The following TMPRSS15 variants were observed in gnomAD, a reference collection of about 807,000 sequenced individuals.
TMPRSS15 encodes enteropeptidase.
TMPRSS15 carries 128 observed loss-of-function variants against 125.3 expected under a neutral mutation model. The observed-to-expected ratio is 1.02, with a 90% CI of 0.89 to 1.18. The LOEUF is 1.18. TMPRSS15 is among the 50% of genes most tolerant of loss of function. TMPRSS15 has a pLI of 0.00. For synonymous variants in TMPRSS15, 446 were observed against 423.2 expected (o/e 1.05, Z -0.66); for missense variants, 1,283 against 1,212.7 (o/e 1.06, Z -0.86).
chr21:18,390,939 G>A (rs565777027), intron 3 of TMPRSS15, among the ~76,000 whole-genome samples: 4 of 152,250 alleles, frequency 2.6e-5, no homozygotes, highest in Non-Finnish European at 5.9e-5. Context: ...CCTTCTTCAC[G>A]TGGTGGCAGA....
At chr21:18,409,963 G>T (rs1292628736) in intron 1 of TMPRSS15, among the ~76,000 whole-genome samples, 3 of 143,308 alleles carry the variant, frequency 2.1e-5, no homozygotes, top group Non-Finnish European at 3.0e-5. Context: ...TCCTTCTTAG[G>T]TATATTCACA....
At chr21:18,312,858 A>G in intron 18 of TMPRSS15, 87 bp downstream of exon 18, 1 of 1,516,820 alleles carries the variant, frequency 6.6e-7, no homozygotes, top group South Asian at 1.2e-5. Context: ...ATAACTTTAT[A>G]AATTTTAAAG....
At chr21:18,449,626 T>G (rs1031156701) in intron 1 of TMPRSS15, among the ~76,000 whole-genome samples, 1 of 152,144 alleles carries the variant, frequency 6.6e-6, no homozygotes, top group African/African-American at 2.4e-5. Context: ...AGCTAAATCA[T>G]GTACAGTGTT....
intron 1 of TMPRSS15, among the ~76,000 whole-genome samples, chr21:18,400,950 TAC>T (rs1156490331): frequency 1.3e-5 from 2 of 151,984 alleles, no homozygotes; most frequent in Non-Finnish European, 2.9e-5. Context: ...AAAAAAGACA[TAC>T]AAGTGGCTAA....
chr21:18,345,730 G>A (rs1286885288), intron 10 of TMPRSS15, among the ~76,000 whole-genome samples: 5 of 8,184 alleles, frequency 6.1e-4, no homozygotes, highest in African/African-American at 9.3e-4. Flanking sequence ...GACAGAGTGA[G>A]ACTCCGTCTC....
chr21:18,416,800 T>C (rs2824814), intron 1 of TMPRSS15, among the ~76,000 whole-genome samples: 96,881 of 151,790 alleles, frequency 0.64, 31,369 homozygotes, highest in Middle Eastern at 0.75. Context: ...AGTACATACA[T>C]TTCATGCCCT....
intron 16 of TMPRSS15, among the ~76,000 whole-genome samples, chr21:18,326,135 G>A (rs762483591): frequency 6.6e-6 from 1 of 152,058 alleles, no homozygotes; most frequent in African/African-American, 2.4e-5. Context: ...AGAGGGTCAA[G>A]TATCCTACTT....
intron 1 of TMPRSS15, among the ~76,000 whole-genome samples, chr21:18,400,876 G>A (rs879281829): frequency 8.6e-5 from 13 of 151,834 alleles, no homozygotes; most frequent in African/African-American, 1.2e-4. Flanking sequence ...TTAAATAATT[G>A]CACAAACAAA....
intron 7 of TMPRSS15, 74 bp from the exon 8 acceptor site, chr21:18,359,937 T>C (rs2075664147): frequency 2.7e-6 from 2 of 744,400 alleles, no homozygotes; most frequent in East Asian, 2.7e-5. Context: ...CTAGAATTTG[T>C]ATGTGTTTTC....
rs2146899021 is a variant in TMPRSS15 at position 18,294,318 on chromosome 21, G to A, written c.2438C>T (p.Ser813Phe). The part of the protein sequence containing the change: ...YYGGRLLCGA[S>F]LVSSDWLVSA... ...CACCAGCCAGTCACTGCTGACGAGA[G>A]ATGCGCCGCAGAGCAGTCGGCCGCC... The change falls in exon 21 of 25, where the codon TCT becomes TTT. Residue 813 changes from serine to phenylalanine, a missense_variant. Transcript: ENST00000284885. 1.9e-6 allele frequency: 3 copies of A among 1,614,220 alleles called. No individual in the cohort carries two copies. The highest frequency in any genetic ancestry group is 2.2e-5 in the East Asian group (1 of 44,874).
At chr21:18,341,638 T>G in intron 12 of TMPRSS15, 90 bp from the exon 13 acceptor site, 1 of 1,360,226 alleles carries the variant, frequency 7.4e-7, no homozygotes, top group Non-Finnish European at 1.0e-6. Context: ...GATTCAATAT[T>G]GTCTAGAGAT....
intron 3 of TMPRSS15, among the ~76,000 whole-genome samples, chr21:18,385,170 T>A (rs2075931803): frequency 6.6e-6 from 1 of 152,236 alleles, no homozygotes; most frequent in Non-Finnish European, 1.5e-5. Flanking sequence ...AATCATTTGC[T>A]TAAATTATAG....
intron 18 of TMPRSS15, among the ~76,000 whole-genome samples, chr21:18,307,553 A>T (rs2075050646): frequency 6.6e-6 from 1 of 152,138 alleles, no homozygotes; most frequent in Non-Finnish European, 1.5e-5. Context: ...TATTGTAATG[A>T]TCTATTATGT....
chr21:18,475,463 G>A (rs543191555), intron 1 of TMPRSS15, among the ~76,000 whole-genome samples: 8 of 152,022 alleles, frequency 5.3e-5, no homozygotes, highest in African/African-American at 1.7e-4. Context: ...GTGGTGTCGC[G>A]GGCCTGTAGT....
intron 1 of TMPRSS15, chr21:18,477,814 A>G (rs1978906958): frequency 6.6e-6 from 1 of 152,096 alleles, no homozygotes; most frequent in African/African-American, 2.4e-5. Context: ...CCCTTACTGT[A>G]GCAATGTTTT....
chr21:18,319,326 G>C (rs1387472896), intron 16 of TMPRSS15, among the ~76,000 whole-genome samples: 1 of 151,172 alleles, frequency 6.6e-6, no homozygotes, highest in African/African-American at 2.4e-5. Context: ...AGATAATGAA[G>C]TGTATTTATC....
chr21:18,276,820 C>T (rs913571637), intron 23 of TMPRSS15, among the ~76,000 whole-genome samples: 8 of 143,532 alleles, frequency 5.6e-5, no homozygotes, highest in Non-Finnish European at 1.0e-4. Context: ...AGTGCAATGG[C>T]GCAATCTCGG....
At chr21:18,455,893 T>C (rs941156582) in intron 1 of TMPRSS15, among the ~76,000 whole-genome samples, 7 of 152,182 alleles carry the variant, frequency 4.6e-5, no homozygotes, top group Non-Finnish European at 1.0e-4. Flanking sequence ...CCTCCTTGCA[T>C]AGTATTGTAT....
chr21:18,359,593 G>A (rs1433703313), intron 8 of TMPRSS15, among the ~76,000 whole-genome samples, 164 bp downstream of exon 8: 3 of 151,406 alleles, frequency 2.0e-5, no homozygotes, highest in African/African-American at 4.8e-5. Flanking sequence ...ACCACATAGA[G>A]CACTAATTTT....
Sources: allele counts gnomAD v4.1 joint callset (sites outside exome capture counted in the v4.1 genomes callset), GRCh38; gene constraint gnomAD v4.1.1; transcripts MANE v1.5; gene names NCBI Gene and HGNC (gene_info 2026-07-23, HGNC 2026-07-21).